DNAH10: variants seen among roughly 807,000 people sequenced by gnomAD.
DNAH10 encodes dynein axonemal heavy chain 10.
A neutral mutation model predicts 506.6 loss-of-function variants in DNAH10; 348 were observed. That is an observed-to-expected ratio of 0.69 (90% CI 0.63 to 0.75). The LOEUF (loss-of-function observed/expected upper bound fraction) is 0.75, where lower values mean the gene tolerates loss of function less well. Among genes scored for constraint, DNAH10 ranks in the 30% least tolerant of loss-of-function variants. The probability of loss-of-function intolerance (pLI) is 0.00; values close to 1 mark genes in which losing one functional copy is unlikely to be tolerated. For synonymous variants in DNAH10, 2,059 were observed against 2,198.6 expected, an observed-to-expected ratio of 0.94 and a Z score of 1.78; for missense variants, 5,179 against 5,787.1, an observed-to-expected ratio of 0.89 and a Z score of 3.41.
At chr12:123,764,529 G>T (rs551601882) in intron 1 of DNAH10, among the ~76,000 whole-genome samples, 75 of 152,242 alleles carry the variant, frequency 4.9e-4, no homozygotes, top group African/African-American at 1.8e-3. Context: ...CAATGGATGT[G>T]ACTTGGATTT....
intron 3 of DNAH10, 45 bp from the exon 4 acceptor site, chr12:123,772,789 T>C: frequency 7.1e-7 from 1 of 1,410,184 alleles, no homozygotes; most frequent in Non-Finnish European, 9.8e-7. Context: ...TTTAGGTGAA[T>C]GGATGTATCA....
At chr12:123,807,358 TAAAAG>T (rs925609844) in intron 18 of DNAH10, among the ~76,000 whole-genome samples, 4 of 152,086 alleles carry the variant, frequency 2.6e-5, no homozygotes, top group African/African-American at 9.7e-5. Flanking sequence ...GAAACAGACA[TAAAAG>T]AGATGAGTTC....
intron 67 of DNAH10, 131 bp from the exon 68 acceptor site, chr12:123,924,919 C>G: frequency 8.5e-7 from 1 of 1,171,302 alleles, no homozygotes; most frequent in Non-Finnish European, 1.2e-6. Context: ...ACAGATCTGA[C>G]CAGGTGGCCT....
chr12:123,836,466 G>A (rs540961850), intron 28 of DNAH10, among the ~76,000 whole-genome samples: 1 of 152,316 alleles, frequency 6.6e-6, no homozygotes, highest in Admixed American at 6.5e-5. Context: ...AAAGCAAATT[G>A]CCCGTGAAAG....
chr12:123,818,363 ACCG>A (rs2136395827), intron 21 of DNAH10, among the ~76,000 whole-genome samples: 1 of 152,040 alleles, frequency 6.6e-6, no homozygotes, highest in South Asian at 2.1e-4. Context: ...TTGCTCTGTC[ACCG>A]AGGTTGGAGT....
Position 123,762,880 on chromosome 12 carries a change from ATTT to A in DNAH10, c.214+332_214+334del, listed in dbSNP as rs1019634656. Among the ~76,000 whole-genome samples, 1 of 152,108 alleles carries A rather than the reference ATTT, an allele frequency of 6.6e-6. No individual in the cohort carries two copies. Among genetic ancestry groups the A allele is most frequent in the African/African-American group, 2.4e-5 (1 of 41,420 alleles). ...ACGAGGCGGGTGTATCCTCATCCCT[ATTT>A]TACAGATGAGCAAACTGGCACGGAG... On this transcript the variant is annotated intron_variant, in intron 1 of 78. Transcript: ENST00000673944. The surrounding 1 kb of genome is among the most constrained non-coding windows in gnomAD (Gnocchi z 5.0).
chr12:123,910,270 T>C (rs1198861205), intron 58 of DNAH10, among the ~76,000 whole-genome samples: 1 of 152,114 alleles, frequency 6.6e-6, no homozygotes, highest in African/African-American at 2.4e-5. Context: ...GGGTGCCCAG[T>C]TGGGAGTCTC....
intron 36 of DNAH10, among the ~76,000 whole-genome samples, chr12:123,854,016 G>C (rs1342291297): frequency 6.7e-6 from 1 of 149,834 alleles, no homozygotes; most frequent in Non-Finnish European, 1.5e-5. Context: ...GTGTCCATAG[G>C]AGGAGAGGCT....
At chr12:123,774,865 G>A (rs997072068) in intron 5 of DNAH10, among the ~76,000 whole-genome samples, 8 of 152,188 alleles carry the variant, frequency 5.3e-5, no homozygotes, top group South Asian at 2.1e-4. Context: ...GGGCCAGTTT[G>A]TGGCCAGATT....
At chr12:123,804,748 A>G in intron 17 of DNAH10, 85 bp from the exon 18 acceptor site, 1 of 1,406,150 alleles carries the variant, frequency 7.1e-7, no homozygotes, top group Non-Finnish European at 9.8e-7. Context: ...TTTTTTTAAG[A>G]CACACAGCTC....
chr12:123,832,891 T>C (rs1018948419), intron 26 of DNAH10, among the ~76,000 whole-genome samples: 3 of 152,176 alleles, frequency 2.0e-5, no homozygotes, highest in African/African-American at 7.2e-5. Context: ...GTATTTGCTT[T>C]GAGGACTGAA....
chr12:123,781,334 T>G lies in DNAH10; in HGVS notation c.841+35T>G, dbSNP rs952787303. 5 of 1,576,142 alleles carry G rather than the reference T, an allele frequency of 3.2e-6. No individual in the cohort carries two copies. In the South Asian group the frequency reaches 5.7e-5, roughly 18 times the overall value. ...CATTTTCCTCCTTTTTAGTTAAGAA[T>G]GATTAATTTACTGTAGTTGGGATTA... On this transcript the variant is annotated intron_variant, in intron 6 of 78. Coordinates refer to ENST00000673944, the MANE Select transcript of DNAH10 (RefSeq NM_001372106.1).
intron 11 of DNAH10, among the ~76,000 whole-genome samples, chr12:123,791,515 T>C (rs1009079617): frequency 1.3e-5 from 2 of 152,210 alleles, no homozygotes; most frequent in Non-Finnish European, 1.5e-5. Context: ...TCTAATTTAT[T>C]ATTAGCTGCT....
At position 123,935,363 on chromosome 12, in the gene DNAH10, C is replaced by T. The variant is rs763808109; in HGVS notation, c.13652C>T (p.Thr4551Ile). Reference protein sequence around the residue: ...QNTFRTPVYTTSMRRNAMGVG... With the variant: ...QNTFRTPVYTISMRRNAMGVG... ...ACTTTCCGGACCCCCGTCTACACCA[C>T]CTCCATGAGAAGGAACGCCATGGGA... Residue 4551 changes from threonine to isoleucine, a missense_variant, in exon 79 of 79, where the codon ACC becomes ATC. By Grantham distance (89) the Thr-to-Ile change is moderately conservative (BLOSUM62 -1). Coordinates refer to ENST00000673944, the MANE Select transcript of DNAH10 (RefSeq NM_001372106.1). 1.2e-6 allele frequency: 2 copies of T among 1,610,922 alleles called. No homozygotes were observed. The highest frequency in any genetic ancestry group is 2.2e-5 in the East Asian group (1 of 44,772).
In DNAH10 at chr12:123,849,777, A is replaced by T. The variant is rs116963775; in HGVS notation, c.6102+895A>T. 2.6e-4 allele frequency among the ~76,000 whole-genome samples: 40 copies of T among 152,302 alleles called. No homozygotes were observed. In the East Asian group the frequency reaches 6.9e-3, roughly 26 times the overall value. On this transcript the variant is annotated intron_variant, in intron 34 of 78. Coordinates refer to ENST00000673944, the MANE Select transcript of DNAH10 (RefSeq NM_001372106.1). ...TTCAGCTTGAGCTGGTGGCCCTGTCATCTCACATGCGTCCTCCTCAGATCT... is the reference window on the plus strand; with the variant it reads ...TTCAGCTTGAGCTGGTGGCCCTGTCTTCTCACATGCGTCCTCCTCAGATCT...
chr12:123,768,889 C>T (rs1169071237), intron 2 of DNAH10, among the ~76,000 whole-genome samples: 5 of 152,050 alleles, frequency 3.3e-5, no homozygotes, highest in Admixed American at 3.3e-4. Flanking sequence ...TAGAGGTGCA[C>T]CAACATGCCT....
At chr12:123,834,408 A>G (rs189219322) in intron 27 of DNAH10, among the ~76,000 whole-genome samples, 54 of 152,198 alleles carry the variant, frequency 3.5e-4, no homozygotes, top group African/African-American at 1.1e-3. Flanking sequence ...GGGTTTCACC[A>G]TGTTGGCCAG....
chr12:123,932,130 C>T (rs1457005359), intron 76 of DNAH10, 22 bp downstream of exon 76: 2 of 1,612,196 alleles, frequency 1.2e-6, no homozygotes, highest in Non-Finnish European at 1.7e-6. Context: ...GTCACCGCCT[C>T]CTCTCTGCCG....
Position 123,889,643 on chromosome 12 carries a change from GA to G in DNAH10, c.8995+2332del, listed in dbSNP as rs1484370875. 1.1e-4 allele frequency among the ~76,000 whole-genome samples: 17 copies of G among 152,300 alleles called. No individual in the cohort carries two copies. In the East Asian group the frequency reaches 3.1e-3, roughly 28 times the overall value. On this transcript the variant is annotated intron_variant, in intron 52 of 78. Coordinates refer to ENST00000673944, the MANE Select transcript of DNAH10 (RefSeq NM_001372106.1). ...GCAGGAGCATCTCAGGGCAGACAGGGAAGGCGTCACTGTAGAGACTTTTCAG... is the reference window on the plus strand; with the variant it reads ...GCAGGAGCATCTCAGGGCAGACAGGGAGGCGTCACTGTAGAGACTTTTCAG...
Sources: gnomAD v4.1 joint callset for allele counts (sites outside exome capture counted in the v4.1 genomes callset) on GRCh38, gnomAD v4.1.1 for gene constraint, Gnocchi (gnomAD v3.1) non-coding constraint, MANE v1.5 for transcripts, NCBI Gene and HGNC (gene_info 2026-07-23, HGNC 2026-07-21) for gene names.